Variants in HECW1 observed in about 807,000 individuals in gnomAD.
HECW1 encodes HECT, C2 and WW domain containing E3 ubiquitin protein ligase 1.
A neutral mutation model predicts 182.3 loss-of-function variants in HECW1; 61 were observed. That is an observed-to-expected ratio of 0.33 (90% confidence interval 0.27 to 0.41). HECW1 has a LOEUF of 0.41. HECW1 is among the 10% of genes least tolerant of loss of function. The pLI is 1.00. For missense variants in HECW1, 1,739 were observed against 2,108.9 expected, an observed-to-expected ratio of 0.82 and a Z score of 3.44; for synonymous variants, 859 against 832.6, an observed-to-expected ratio of 1.03 and a Z score of -0.55.
chr7:43,541,914 C>G lies in HECW1; in HGVS notation c.4164C>G (p.His1388Gln). 1 of 1,551,614 alleles carries G rather than the reference C, an allele frequency of 6.4e-7. No individual in the cohort carries two copies. Among genetic ancestry groups the G allele is most frequent in the Non-Finnish European group, 8.7e-7 (1 of 1,148,600 alleles). ...SDLEYLDEEFHQSLQWMKDNN... is the reference protein window; with the variant it reads ...SDLEYLDEEFQQSLQWMKDNN... ...TGGAATATTTGGATGAGGAATTCCACCAGAGTTTGCAGTGGATGAAGGACA... is the reference window on the plus strand; with the variant it reads ...TGGAATATTTGGATGAGGAATTCCAGCAGAGTTTGCAGTGGATGAAGGACA... The change falls in exon 26 of 30, where the codon CAC (histidine) becomes CAG (glutamine). Residue 1388 changes from histidine (H) to glutamine (Q), a missense_variant. By Grantham distance (24) the His-to-Gln change is conservative. Around this residue, in one of 5 missense-constraint regions of HECW1, gnomAD observed 420 missense variants for 595.7 expected, o/e 0.71. Coordinates refer to ENST00000395891, the MANE Select transcript of HECW1 (RefSeq NM_015052.5).
intron 2 of HECW1, among the ~76,000 whole-genome samples, chr7:43,233,457 A>G (rs532712379): frequency 3.9e-5 from 6 of 152,328 alleles, no homozygotes; most frequent in Admixed American, 1.3e-4. Context: ...AGAATCTTAA[A>G]ATATTATCCA....
intron 8 of HECW1, among the ~76,000 whole-genome samples, chr7:43,412,265 A>T (rs1311599472): frequency 6.6e-6 from 1 of 152,028 alleles, no homozygotes; most frequent in Non-Finnish European, 1.5e-5. Context: ...CTTTCTTGTT[A>T]TAGTTATTAT....
rs931064517 is a variant in HECW1, at chr7:43,507,325, C to T, written c.3752+68C>T. The T allele has an allele frequency of 2.0e-6, 3 of 1,475,014 alleles. No individual in the cohort carries two copies. The African/African-American group carries it at 4.3e-5, about 21-fold the overall frequency. The allele number at this position is 1,475,014 out of a possible 1,614,324, so 91.4% of individuals were successfully genotyped here. Reference sequence around the variant, plus strand: ...TTTCAATCCCTTTCTCCCCTACACCCTTGTAATATTGTTTTTGAGACTGGC... The same window carrying T: ...TTTCAATCCCTTTCTCCCCTACACCTTTGTAATATTGTTTTTGAGACTGGC... On this transcript the variant is annotated intron_variant, in intron 22 of 29. Coordinates refer to ENST00000395891, the MANE Select transcript of HECW1 (RefSeq NM_015052.5).
chr7:43,311,636 A>G, intron 3 of HECW1, 127 bp from the exon 4 acceptor site: 1 of 865,310 alleles, frequency 1.2e-6, no homozygotes, highest in Non-Finnish European at 2.0e-6. Flanking sequence ...GCCATGTTTC[A>G]TATCTGCCCA....
intron 28 of HECW1, among the ~76,000 whole-genome samples, chr7:43,552,849 A>G (rs1217496442): frequency 6.6e-6 from 1 of 152,238 alleles, no homozygotes; most frequent in African/African-American, 2.4e-5. Context: ...AGTACAAAGC[A>G]GGAGCTTGTA....
At chr7:43,325,476 T>G (rs1483855347) in intron 5 of HECW1, among the ~76,000 whole-genome samples, 1 of 152,144 alleles carries the variant, frequency 6.6e-6, no homozygotes, top group Non-Finnish European at 1.5e-5. Flanking sequence ...AGGTATCCTG[T>G]CTTGATCTCT....
At chr7:43,356,286 T>A (rs747160624) in intron 5 of HECW1, among the ~76,000 whole-genome samples, 7 of 151,760 alleles carry the variant, frequency 4.6e-5, no homozygotes, top group Non-Finnish European at 1.0e-4. Flanking sequence ...AGACTACAAA[T>A]CAAAGACTGT....
chr7:43,234,638 C>T (rs1023845196), intron 2 of HECW1, among the ~76,000 whole-genome samples: 6 of 152,204 alleles, frequency 3.9e-5, no homozygotes, highest in Non-Finnish European at 7.3e-5. Context: ...CCTTCATCTC[C>T]TACCCACGTC....
chr7:43,327,344 C>T (rs1409523878), intron 5 of HECW1, among the ~76,000 whole-genome samples: 1 of 152,180 alleles, frequency 6.6e-6, no homozygotes, highest in East Asian at 1.9e-4. Context: ...AACCAAGACT[C>T]CCCCCACCGC....
intron 2 of HECW1, among the ~76,000 whole-genome samples, chr7:43,195,306 G>A (rs1042818439): frequency 4.4e-4 from 67 of 152,296 alleles, no homozygotes; most frequent in African/African-American, 1.6e-3. Context: ...GTGTGAGGTC[G>A]CACAGTCTGG....
intron 3 of HECW1, among the ~76,000 whole-genome samples, chr7:43,281,711 T>G (rs1228944256): frequency 6.9e-6 from 1 of 143,936 alleles, no homozygotes; most frequent in Non-Finnish European, 1.5e-5. Flanking sequence ...TTTCTTTGCT[T>G]TCTTTTTTTT....
intron 5 of HECW1, among the ~76,000 whole-genome samples, chr7:43,334,923 G>A (rs1001552402): frequency 6.6e-6 from 1 of 152,062 alleles, no homozygotes; most frequent in Admixed American, 6.5e-5. Context: ...TGGAACTTCT[G>A]TTCTTTTCTT....
At position 43,550,357 on chromosome 7, in the gene HECW1, G is replaced by T. The variant is rs1232953439; in HGVS notation, c.4249-88G>T. On this transcript the variant is annotated intron_variant, in intron 26 of 29. Coordinates refer to ENST00000395891, the MANE Select transcript of HECW1 (RefSeq NM_015052.5). ...AATAATGCCCTGTAGAGGATTTTTG[G>T]CATACGGTCATCCCCCTAAAATCAG... 2.1e-6 allele frequency: 3 copies of T among 1,433,782 alleles called. No homozygotes were observed. The African/African-American group carries it at 4.2e-5, about 20-fold the overall frequency. 88.8% of individuals were successfully genotyped at this position (1,433,782 alleles called of 1,614,324 possible). A position where few individuals can be genotyped will look rare whatever the true frequency, so the allele number is the denominator to read the frequency against.
chr7:43,131,149 C>T (rs778201191), intron 2 of HECW1, among the ~76,000 whole-genome samples: 2 of 152,098 alleles, frequency 1.3e-5, no homozygotes, highest in Admixed American at 6.5e-5. Context: ...GCGTGTAATC[C>T]CAGCTACTTG....
intron 4 of HECW1, among the ~76,000 whole-genome samples, chr7:43,319,393 C>CAAAAAAAAAAAAAAAAAAAA (rs529109893): frequency 1.5e-5 from 1 of 67,698 alleles, no homozygotes; most frequent in African/African-American, 4.1e-5. Flanking sequence ...GACTCCGTCT[C>CAAAAAAAAAAAAAAAAAAAA]AAAAAAAAAA....
intron 2 of HECW1, among the ~76,000 whole-genome samples, chr7:43,227,781 A>G (rs1273732510): frequency 6.6e-6 from 1 of 152,244 alleles, no homozygotes; most frequent in East Asian, 1.9e-4. Context: ...TAAAGCTACC[A>G]TAATGAACAA....
At chr7:43,410,713 A>G (rs2075773991) in intron 8 of HECW1, among the ~76,000 whole-genome samples, 1 of 152,264 alleles carries the variant, frequency 6.6e-6, no homozygotes, top group African/African-American at 2.4e-5. Flanking sequence ...AAAAAGAGTC[A>G]TTTAGATTAC....
At chr7:43,360,313 G>T (rs1043528569) in intron 5 of HECW1, among the ~76,000 whole-genome samples, 1 of 151,598 alleles carries the variant, frequency 6.6e-6, no homozygotes, top group African/African-American at 2.4e-5. Flanking sequence ...CTGAGCTCAA[G>T]TGATCCTCCT....
At chr7:43,305,583 G>GTTT (rs892538730) in intron 3 of HECW1, among the ~76,000 whole-genome samples, 1 of 141,474 alleles carries the variant, frequency 7.1e-6, no homozygotes, top group African/African-American at 3.2e-5. Context: ...ACTGGATAGT[G>GTTT]TTTTGTTGTT....
Sources: allele counts gnomAD v4.1 joint callset (sites outside exome capture counted in the v4.1 genomes callset), GRCh38; gene constraint gnomAD v4.1.1; regional missense constraint gnomAD v4.1.1; transcripts MANE v1.5; gene names NCBI Gene and HGNC (gene_info 2026-07-23, HGNC 2026-07-21).